ACACA: variants seen among roughly 807,000 people sequenced by gnomAD.
ACACA encodes acetyl-CoA carboxylase alpha, also known as acetyl-CoA carboxylase 1.
Under a neutral mutation model 296.1 loss-of-function variants are expected in ACACA, and 103 were observed. The observed-to-expected ratio is 0.35, with a 90% confidence interval of 0.30 to 0.41. The LOEUF is 0.41. Ranked by LOEUF, ACACA falls within the 10% of genes least tolerant of loss-of-function variation. The probability of loss-of-function intolerance (pLI) is 1.00; values close to 1 mark genes in which losing one functional copy is unlikely to be tolerated. For synonymous variants in ACACA, 953 were observed against 1,038.6 expected (o/e 0.92, Z 1.58); for missense variants, 1,554 against 2,989.7 (o/e 0.52, Z 11.20).
intron 41 of ACACA, among the ~76,000 whole-genome samples, chr17:37,170,113 A>G (rs995479762): frequency 6.6e-6 from 1 of 152,104 alleles, no homozygotes; most frequent in African/African-American, 2.4e-5. Flanking sequence ...GAACATTCCA[A>G]CGAGCAGGTT....
At chr17:37,364,480 G>C (rs1252465793) in intron 1 of ACACA, among the ~76,000 whole-genome samples, 1 of 151,254 alleles carries the variant, frequency 6.6e-6, no homozygotes, top group Non-Finnish European at 1.5e-5. Flanking sequence ...TATAATCCCA[G>C]CTACTTACGA....
intron 25 of ACACA, among the ~76,000 whole-genome samples, chr17:37,227,602 C>T (rs2079601810): frequency 6.6e-6 from 1 of 152,140 alleles, no homozygotes. Context: ...GGCGCTGTGG[C>T]TCACGCCTGT....
chr17:37,375,971 G>A, intron 1 of ACACA: 1 of 724,626 alleles, frequency 1.4e-6, no homozygotes, highest in South Asian at 1.7e-5. Context: ...GGTGGAATCA[G>A]AGTCTCTCAG....
chr17:37,271,791 G>A (rs1277795299), intron 9 of ACACA, among the ~76,000 whole-genome samples: 1 of 151,866 alleles, frequency 6.6e-6, no homozygotes, highest in Non-Finnish European at 1.5e-5. Flanking sequence ...CCAACATGGT[G>A]AAACCCCTGG....
Position 37,223,596 on chromosome 17 carries a change from G to A in ACACA, c.3480C>T (p.Leu1160=), listed in dbSNP as rs753127166. 3 of 1,599,408 alleles carry A rather than the reference G, an allele frequency of 1.9e-6. No individual in the cohort carries two copies. The highest frequency in any genetic ancestry group is 2.6e-6 in the Non-Finnish European group (3 of 1,166,698). ...HQFCIENLQK[L]ILSETSIFDV... ...CAAAAATAGATGTTTCTGATAGGAT[G>A]AGTTTCTAGAAGATACAAAGACAGG... The change falls in exon 28 of 56, where the codon CTC becomes CTT. Residue 1160 remains leucine (L), a synonymous_variant. Transcript: ENST00000616317.
At chr17:37,403,684 A>G (rs1261011135) in intron 1 of ACACA, among the ~76,000 whole-genome samples, 1 of 152,130 alleles carries the variant, frequency 6.6e-6, no homozygotes, top group Non-Finnish European at 1.5e-5. Flanking sequence ...TGCCCTCTCC[A>G]CATCTTTCTT....
intron 1 of ACACA, among the ~76,000 whole-genome samples, chr17:37,363,325 GGC>G (rs2049486982): frequency 6.6e-6 from 1 of 151,296 alleles, no homozygotes; most frequent in Non-Finnish European, 1.5e-5. Context: ...TGGGATTACT[GGC>G]GCGTGCCACC....
chr17:37,183,791 C>CAAAAGGA (rs1460788792), intron 39 of ACACA, among the ~76,000 whole-genome samples: 2 of 112,248 alleles, frequency 1.8e-5, no homozygotes, highest in African/African-American at 6.9e-5. Context: ...GACTCCATCT[C>CAAAAGGA]AAAAGGAAAA....
intron 1 of ACACA, among the ~76,000 whole-genome samples, chr17:37,376,301 G>T (rs2050000055): frequency 6.6e-6 from 1 of 152,160 alleles, no homozygotes; most frequent in South Asian, 2.1e-4. Context: ...CCTCTAAGAA[G>T]GACTGCAACT....
rs1393705851 is a variant in ACACA, at chr17:37,086,025, C to T, written c.*1291G>A. ...AGTTGTTGAAAGTAAACTCTCTCCA[C>T]CACCTGAGGAAGCCCCTGATGCCAG... On this transcript the variant is annotated 3_prime_UTR_variant, in exon 56 of 56. Transcript: ENST00000616317. 1.5e-5 allele frequency: 6 copies of T among 388,070 alleles called. No homozygotes were observed. The highest frequency in any genetic ancestry group is 2.7e-5 in the Non-Finnish European group (6 of 220,156). The allele number at this position is 388,070 out of a possible 1,614,324, so 24.0% of individuals were successfully genotyped here. A position where few individuals can be genotyped will look rare whatever the true frequency, so the allele number is the denominator to read the frequency against.
intron 1 of ACACA, among the ~76,000 whole-genome samples, chr17:37,340,567 A>T (rs909164085): frequency 6.6e-6 from 1 of 152,188 alleles, no homozygotes; most frequent in Non-Finnish European, 1.5e-5. Flanking sequence ...CTTGAGAACC[A>T]CTCGTTAAGG....
intron 1 of ACACA, among the ~76,000 whole-genome samples, chr17:37,405,602 G>C (rs757864858): frequency 4.6e-5 from 7 of 152,134 alleles, no homozygotes; most frequent in Non-Finnish European, 8.8e-5. Flanking sequence ...GCCCAGGCTG[G>C]AGTGGAATGG....
rs1026816668 is a variant in ACACA at position 37,097,318 on chromosome 17, C to T, written c.6721-152G>A. 3 of 893,056 alleles carry T rather than the reference C, an allele frequency of 3.4e-6. No individual in the cohort carries two copies. The highest frequency in any genetic ancestry group is 5.3e-6 in the Non-Finnish European group (3 of 564,582). The allele number at this position is 893,056 out of a possible 1,614,324, so 55.3% of individuals were successfully genotyped here. On this transcript the variant is annotated intron_variant, in intron 53 of 55. Coordinates refer to ENST00000616317, the MANE Select transcript of ACACA (RefSeq NM_198834.3). This position sits in a 1 kb window ranked among gnomAD's most constrained non-coding sequence, Gnocchi z 4.8. ...TAAACTCCTAGCACTTCCAGATGTC[C>T]CCCAGGGCAGAAATGCAGCCCACAT... is the stretch of plus-strand genomic sequence containing the variant.
intron 29 of ACACA, among the ~76,000 whole-genome samples, chr17:37,217,343 C>T (rs962044406): frequency 1.3e-5 from 2 of 149,516 alleles, no homozygotes; most frequent in African/African-American, 4.9e-5. Flanking sequence ...GATATTACAG[C>T]TTACTAAGAC....
rs910246307 is a variant in ACACA, at chr17:37,096,847, G to A, written c.6891+149C>T. 87 of 923,950 alleles carry A rather than the reference G, an allele frequency of 9.4e-5. 3 individuals carry two copies. Among genetic ancestry groups the A allele is most frequent in the Non-Finnish European group, 3.7e-5 (21 of 561,188 alleles). 57.2% of individuals were successfully genotyped at this position (923,950 alleles called of 1,614,324 possible). ...GTCGTGACATGACATGTTAGGGGGAGTAGCTGGGGGAGGAAACAGCTTGGA... is the reference window on the plus strand; with the variant it reads ...GTCGTGACATGACATGTTAGGGGGAATAGCTGGGGGAGGAAACAGCTTGGA... On this transcript the variant is annotated intron_variant, in intron 54 of 55. Coordinates refer to ENST00000616317, the MANE Select transcript of ACACA (RefSeq NM_198834.3).
intron 24 of ACACA, among the ~76,000 whole-genome samples, chr17:37,235,928 A>G (rs572282054): frequency 6.6e-6 from 1 of 152,334 alleles, no homozygotes; most frequent in Admixed American, 6.5e-5. Context: ...CTGTAGTGAT[A>G]TCTGCCATGG....
intron 47 of ACACA, among the ~76,000 whole-genome samples, chr17:37,126,741 T>C (rs2074806873): frequency 6.6e-6 from 1 of 152,190 alleles, no homozygotes; most frequent in Admixed American, 6.5e-5. Context: ...TAGACTAAAC[T>C]TGTAATTACT....
At chr17:37,259,606 TCAA>T in intron 11 of ACACA, 76 bp from the exon 12 acceptor site, 2 of 1,495,982 alleles carry the variant, frequency 1.3e-6, no homozygotes, top group Non-Finnish European at 1.9e-6. Flanking sequence ...TCTCACTGAC[TCAA>T]CTGTTCAGTG....
At chr17:37,346,225 G>C (rs1485418776) in intron 1 of ACACA, among the ~76,000 whole-genome samples, 1 of 151,546 alleles carries the variant, frequency 6.6e-6, no homozygotes, top group African/African-American at 2.4e-5. Context: ...GCTGAGGCAG[G>C]AGAATCACTT....
Sources: gnomAD v4.1 joint callset for allele counts (sites outside exome capture counted in the v4.1 genomes callset) on GRCh38, gnomAD v4.1.1 for gene constraint, Gnocchi (gnomAD v3.1) non-coding constraint, MANE v1.5 for transcripts, NCBI Gene and HGNC (gene_info 2026-07-23, HGNC 2026-07-21) for gene names.